The following MAGI2 variants were observed in gnomAD, a reference collection of about 807,000 sequenced individuals.
The protein encoded by MAGI2 is membrane associated guanylate kinase, WW and PDZ domain containing 2.
A neutral mutation model predicts 133.3 loss-of-function variants in MAGI2; 35 were observed. The ratio of observed to expected loss-of-function variants is 0.26; its 90% CI spans 0.20 to 0.35. The LOEUF is 0.35. Among genes scored for constraint, MAGI2 ranks in the 10% least tolerant of loss-of-function variants. The pLI is 1.00. For synonymous variants in MAGI2, 729 were observed against 710.6 expected, an observed-to-expected ratio of 1.03 and a Z score of -0.41; for missense variants, 1,636 against 1,863.4, an observed-to-expected ratio of 0.88 and a Z score of 2.25.
chr7:78,688,817 T>C (rs1037570437), intron 2 of MAGI2, among the ~76,000 whole-genome samples: 1 of 152,158 alleles, frequency 6.6e-6, no homozygotes, highest in African/African-American at 2.4e-5. Flanking sequence ...AACGCTAAAA[T>C]ACAACTGACA....
intron 1 of MAGI2, among the ~76,000 whole-genome samples, chr7:79,326,329 C>T (rs887752869): frequency 2.6e-5 from 4 of 152,074 alleles, no homozygotes; most frequent in African/African-American, 7.2e-5. Context: ...TAATTATAAA[C>T]CTGGCTTAAG....
At chr7:78,488,595 T>A (rs741255) in intron 6 of MAGI2, among the ~76,000 whole-genome samples, 50,435 of 151,742 alleles carry the variant, frequency 0.33, 8,912 homozygotes, top group African/African-American at 0.45. Context: ...TTTAAAGTTC[T>A]GATCATACAA....
chr7:79,032,112 A>G (rs1291689346), intron 1 of MAGI2, among the ~76,000 whole-genome samples: 1 of 152,182 alleles, frequency 6.6e-6, no homozygotes, highest in African/African-American at 2.4e-5. Flanking sequence ...GTGAATCATC[A>G]TGAGGAAAAA....
At chr7:79,250,529 G>C (rs1833169473) in intron 1 of MAGI2, among the ~76,000 whole-genome samples, 1 of 151,678 alleles carries the variant, frequency 6.6e-6, no homozygotes, top group Admixed American at 6.6e-5. Context: ...TAAAATATCT[G>C]GAAATTAATT....
At chr7:78,283,827 A>G (rs762367191) in intron 9 of MAGI2, among the ~76,000 whole-genome samples, 25 of 152,148 alleles carry the variant, frequency 1.6e-4, no homozygotes, top group Non-Finnish European at 1.6e-4. Context: ...TTTGTAAAGT[A>G]ACCCAAAAGA....
In MAGI2 at chr7:78,760,359, C is replaced by T. The variant is rs1398984689; in HGVS notation, c.419-133120G>A. Among the ~76,000 whole-genome samples the T allele has an allele frequency of 4.6e-5, 5 of 109,484 alleles. No homozygotes were observed. In the Admixed American group the frequency reaches 4.8e-4, roughly 10 times the overall value. 71.8% of individuals were successfully genotyped at this position (109,484 alleles called of 152,430 possible). A position where few individuals can be genotyped will look rare whatever the true frequency, so the allele number is the denominator to read the frequency against. On this transcript the variant is annotated intron_variant, in intron 2 of 21. Transcript: ENST00000354212. ...AGTCCTACAACTGGACTTTAATTCT[C>T]TCTTTTTTTTTTTTTTTTTTGAGAT...
chr7:78,027,681 G>A (rs1168916408), intron 21 of MAGI2, among the ~76,000 whole-genome samples: 1 of 150,244 alleles, frequency 6.7e-6, no homozygotes, highest in Admixed American at 6.6e-5. Context: ...TGCAATCAGA[G>A]AACAATAAAA....
chr7:78,681,478 T>G (rs1009058097), intron 2 of MAGI2, among the ~76,000 whole-genome samples: 2 of 152,094 alleles, frequency 1.3e-5, no homozygotes, highest in African/African-American at 4.8e-5. Flanking sequence ...ATAAACTCAT[T>G]TTAAATATGA....
At chr7:78,842,110 A>G (rs1792194742) in intron 2 of MAGI2, among the ~76,000 whole-genome samples, 2 of 152,028 alleles carry the variant, frequency 1.3e-5, no homozygotes, top group African/African-American at 4.8e-5. Context: ...GGTAGCAGGT[A>G]AGCAGAACAA....
chr7:78,545,834 T>C (rs995112327), intron 3 of MAGI2, among the ~76,000 whole-genome samples: 2 of 152,208 alleles, frequency 1.3e-5, no homozygotes, highest in Non-Finnish European at 2.9e-5. Flanking sequence ...ATTTTGTTTG[T>C]ATGGTGTTTA....
intron 14 of MAGI2, among the ~76,000 whole-genome samples, chr7:78,175,298 C>G (rs1826484594): frequency 6.6e-6 from 1 of 152,066 alleles, no homozygotes; most frequent in Admixed American, 6.5e-5. Context: ...TTGTTCCAGT[C>G]CCCCCTAGAA....
In MAGI2 at chr7:79,358,601, A is replaced by G. The variant is rs562838165; in HGVS notation, c.301+94419T>C. On this transcript the variant is annotated intron_variant, in intron 1 of 21. Transcript: ENST00000354212. ...CAGTCTAGAAAACTTAGCTTTCCCTATGATCTGAGGATCTCCTTACCTACC... is the reference window on the plus strand; with the variant it reads ...CAGTCTAGAAAACTTAGCTTTCCCTGTGATCTGAGGATCTCCTTACCTACC... 4.6e-5 allele frequency among the ~76,000 whole-genome samples: 7 copies of G among 152,300 alleles called. No homozygotes were observed. In the South Asian group the frequency reaches 8.3e-4, roughly 18 times the overall value.
At chr7:78,423,221 G>A (rs903374331) in intron 6 of MAGI2, among the ~76,000 whole-genome samples, 4 of 152,066 alleles carry the variant, frequency 2.6e-5, no homozygotes, top group Admixed American at 2.0e-4. Flanking sequence ...TCGTGATAGC[G>A]AATGAGCCTC....
chr7:78,080,665 G>A (rs983796810), intron 20 of MAGI2, among the ~76,000 whole-genome samples: 1 of 152,138 alleles, frequency 6.6e-6, no homozygotes, highest in African/African-American at 2.4e-5. Flanking sequence ...AGACTCACAC[G>A]TCCAGCTGAT....
At chr7:78,070,470 G>A (rs1814488028) in intron 21 of MAGI2, among the ~76,000 whole-genome samples, 1 of 146,652 alleles carries the variant, frequency 6.8e-6, no homozygotes, top group Non-Finnish European at 1.5e-5. Flanking sequence ...GTATATATGT[G>A]TGTATATATA....
chr7:78,491,034 T>C (rs1466870042), intron 5 of MAGI2, among the ~76,000 whole-genome samples: 3 of 152,088 alleles, frequency 2.0e-5, no homozygotes, highest in African/African-American at 2.4e-5. Context: ...AAAATGATAA[T>C]GATGATATAA....
chr7:79,208,302 A>G (rs1213085576), intron 1 of MAGI2, among the ~76,000 whole-genome samples: 1 of 151,954 alleles, frequency 6.6e-6, no homozygotes, highest in African/African-American at 2.4e-5. Flanking sequence ...GGGTTTAATA[A>G]CCAAAATATA....
chr7:79,445,551 A>T (rs550444636), intron 1 of MAGI2, among the ~76,000 whole-genome samples: 2 of 152,370 alleles, frequency 1.3e-5, no homozygotes, highest in East Asian at 3.9e-4. Context: ...TGAAACCAAA[A>T]GACACATGAA....
In MAGI2 at chr7:78,924,398, C is replaced by G. The variant is rs547547011; in HGVS notation, c.418+82692G>C. Reference sequence around the variant, plus strand: ...ATACCTAATTTATTGAGAGATTTTACCATGAAGTGTTGTTGAATTTTGTCA... The same window carrying G: ...ATACCTAATTTATTGAGAGATTTTAGCATGAAGTGTTGTTGAATTTTGTCA... On this transcript the variant is annotated intron_variant, in intron 2 of 21. Transcript: ENST00000354212. 5.2e-3 allele frequency among the ~76,000 whole-genome samples: 786 copies of G among 151,150 alleles called. 4 individuals are homozygous for G. The highest frequency in any genetic ancestry group is 0.018 in the African/African-American group (743 of 41,262).
Sources: gnomAD v4.1 joint callset for allele counts (sites outside exome capture counted in the v4.1 genomes callset) on GRCh38, gnomAD v4.1.1 for gene constraint, MANE v1.5 for transcripts, NCBI Gene and HGNC (gene_info 2026-07-23, HGNC 2026-07-21) for gene names.